CCDC30: variants seen among roughly 807,000 people sequenced by gnomAD.
CCDC30 encodes coiled-coil domain-containing protein 30.
In CCDC30, 70 loss-of-function variants were observed where a neutral mutation model predicts 100.2. That is an observed-to-expected ratio of 0.70 (90% CI 0.58 to 0.85). The LOEUF is 0.85. Ranked by LOEUF, CCDC30 falls within the 40% of genes least tolerant of loss-of-function variation. The pLI, the probability that CCDC30 is intolerant of heterozygous loss-of-function variation, is 0.00. For synonymous variants in CCDC30, 233 were observed against 269.5 expected, an observed-to-expected ratio of 0.86 and a Z score of 1.33; for missense variants, 652 against 771.2, an observed-to-expected ratio of 0.85 and a Z score of 1.83.
chr1:42,645,658 G>A (rs1300459212), intron 14 of CCDC30, among the ~76,000 whole-genome samples: 2 of 152,116 alleles, frequency 1.3e-5, no homozygotes, highest in Non-Finnish European at 2.9e-5. Context: ...CAAGCTATAT[G>A]AGTGGGTTTT....
At chr1:42,547,001 A>T (rs1037562248) in intron 6 of CCDC30, among the ~76,000 whole-genome samples, 5 of 152,160 alleles carry the variant, frequency 3.3e-5, no homozygotes, top group African/African-American at 7.2e-5. Context: ...ATATCTTTGT[A>T]AATGTTCTAA....
intron 10 of CCDC30, chr1:42,591,947 C>A (rs1646195081): frequency 6.6e-6 from 1 of 152,298 alleles, no homozygotes; most frequent in African/African-American, 2.4e-5. Flanking sequence ...GATTTAATGA[C>A]TGCCCTGCTG....
chr1:42,456,659 G>A, the CCDC30 span: 1 of 1,599,486 alleles, frequency 6.3e-7, no homozygotes, highest in Non-Finnish European at 8.5e-7. Context: ...CAGGCTGGGC[G>A]CGCAGGGCCG....
intron 10 of CCDC30, chr1:42,593,604 A>T (rs1314787766): frequency 6.6e-6 from 1 of 152,124 alleles, no homozygotes; most frequent in Non-Finnish European, 1.5e-5. Context: ...CTCTAATCAT[A>T]TAATGGTACC....
chr1:42,636,766 G>A (rs1173465391), intron 11 of CCDC30, among the ~76,000 whole-genome samples: 1 of 151,910 alleles, frequency 6.6e-6, no homozygotes, highest in Non-Finnish European at 1.5e-5. Context: ...AGGAGTTCGA[G>A]ACCAGCCTGG....
At chr1:42,495,977 G>A (rs963119504) in intron 4 of CCDC30, among the ~76,000 whole-genome samples, 2 of 152,100 alleles carry the variant, frequency 1.3e-5, no homozygotes, top group Non-Finnish European at 2.9e-5. Context: ...GTGACTATAC[G>A]AGGCATACTT....
intron 6 of CCDC30, chr1:42,510,055 G>T (rs980380802): frequency 2.9e-5 from 29 of 985,180 alleles, no homozygotes; most frequent in Non-Finnish European, 3.1e-5. Context: ...AAGTCTCGGG[G>T]TTTGTGTTGT....
intron 15 of CCDC30, among the ~76,000 whole-genome samples, chr1:42,652,096 A>C (rs180691743): frequency 1.0e-3 from 153 of 152,338 alleles, no homozygotes; most frequent in African/African-American, 3.6e-3. Flanking sequence ...ATGGTGTGTG[A>C]AAATGTGGTA....
intron 1 of CCDC30, chr1:42,473,304 G>A: frequency 2.5e-6 from 3 of 1,222,752 alleles, no homozygotes; most frequent in Non-Finnish European, 3.1e-6. Context: ...AACAAAAGAA[G>A]TGAGAACTAA....
chr1:42,457,082 C>T, the CCDC30 span: 11 of 1,585,976 alleles, frequency 6.9e-6, no homozygotes, highest in Non-Finnish European at 8.5e-6. Context: ...AGGTGCGTGC[C>T]CTAGGAGTAC....
intron 6 of CCDC30, among the ~76,000 whole-genome samples, chr1:42,503,740 TG>T (rs1481953052): frequency 6.6e-6 from 1 of 152,180 alleles, no homozygotes; most frequent in East Asian, 1.9e-4. Context: ...GAAAATGATT[TG>T]GGGGCTGCTT....
intron 6 of CCDC30, chr1:42,500,331 G>A: frequency 6.2e-7 from 1 of 1,605,638 alleles, no homozygotes; most frequent in Non-Finnish European, 8.5e-7. Context: ...TATCGGGTTT[G>A]TCAGACATAG....
At chr1:42,621,759 C>T (rs1326521259) in intron 11 of CCDC30, among the ~76,000 whole-genome samples, 5 of 152,026 alleles carry the variant, frequency 3.3e-5, no homozygotes, top group Non-Finnish European at 5.9e-5. Context: ...GATCCGCCCG[C>T]CTCGGCCTCC....
intron 6 of CCDC30, among the ~76,000 whole-genome samples, chr1:42,506,415 T>G (rs1343494980): frequency 6.6e-6 from 1 of 152,196 alleles, no homozygotes; most frequent in East Asian, 1.9e-4. Flanking sequence ...TGCCTGCAGA[T>G]GACAAAATTT....
intron 6 of CCDC30, among the ~76,000 whole-genome samples, chr1:42,550,369 C>T (rs895431752): frequency 5.9e-5 from 9 of 152,110 alleles, no homozygotes; most frequent in Admixed American, 5.9e-4. Flanking sequence ...AAATGCAAAT[C>T]GAATAATATT....
chr1:42,570,378 AAAAG>A (rs1645708203), intron 7 of CCDC30, among the ~76,000 whole-genome samples: 2 of 152,100 alleles, frequency 1.3e-5, no homozygotes, highest in South Asian at 2.1e-4. Flanking sequence ...AAAAAAAAGA[AAAAG>A]AAACCAAAAT....
chr1:42,613,133 GAAAT>G lies in CCDC30; in HGVS notation c.1277+2047_1277+2050del, dbSNP rs1296412541. Among the ~76,000 whole-genome samples the G allele has an allele frequency of 2.0e-5, 3 of 152,280 alleles. No individual in the cohort carries two copies. The East Asian group carries it at 5.8e-4, about 29-fold the overall frequency. ...AAAGCAAACTTACTAAGGGAGTAAAGAAATAAAAGAATGTCTGCTCTATAGACAG... is the reference window on the plus strand; with the variant it reads ...AAAGCAAACTTACTAAGGGAGTAAAGAAAAGAATGTCTGCTCTATAGACAG... On this transcript the variant is annotated intron_variant, in intron 11 of 16. Coordinates refer to ENST00000668663, the Ensembl canonical transcript of CCDC30.
At chr1:42,486,267 A>C (rs1644048908) in intron 3 of CCDC30, among the ~76,000 whole-genome samples, 1 of 152,220 alleles carries the variant, frequency 6.6e-6, no homozygotes, top group African/African-American at 2.4e-5. Context: ...CAGTATATCC[A>C]TACTGTGCAG....
intron 11 of CCDC30, among the ~76,000 whole-genome samples, chr1:42,631,069 A>G (rs1447984508): frequency 1.3e-5 from 2 of 152,108 alleles, no homozygotes; most frequent in African/African-American, 4.8e-5. Flanking sequence ...GATACTCATT[A>G]TAGTCTTTGC....
Sources: gnomAD v4.1 joint callset for allele counts (sites outside exome capture counted in the v4.1 genomes callset) on GRCh38, gnomAD v4.1.1 for gene constraint, MANE v1.5 for transcripts, NCBI Gene and HGNC (gene_info 2026-07-23, HGNC 2026-07-21) for gene names.